NRXN3: variants seen among roughly 807,000 people sequenced by gnomAD.
NRXN3 encodes neurexin III.
NRXN3 carries 32 observed loss-of-function variants against 137.6 expected under a neutral mutation model. The observed-to-expected ratio is 0.23, with a 90% CI of 0.18 to 0.31. The LOEUF (loss-of-function observed/expected upper bound fraction) is 0.31. Among genes scored for constraint, NRXN3 ranks in the 10% least tolerant of loss-of-function variants. The pLI is 1.00. For missense variants in NRXN3, 1,574 were observed against 2,062.5 expected, an observed-to-expected ratio of 0.76 and a Z score of 4.59; for synonymous variants, 798 against 784.5, an observed-to-expected ratio of 1.02 and a Z score of -0.29.
intron 19 of NRXN3, among the ~76,000 whole-genome samples, chr14:79,748,500 C>G (rs2098986594): frequency 6.6e-6 from 1 of 152,078 alleles, no homozygotes; most frequent in African/African-American, 2.4e-5. Flanking sequence ...TCCTTTTGGT[C>G]ATTTCCCCTA....
intron 16 of NRXN3, among the ~76,000 whole-genome samples, chr14:79,481,760 C>T (rs2096610786): frequency 6.6e-6 from 1 of 152,102 alleles, no homozygotes; most frequent in Non-Finnish European, 1.5e-5. Flanking sequence ...AATCAGTCTC[C>T]TTGAAAATTT....
chr14:79,794,138 G>T (rs1199030898), intron 19 of NRXN3, among the ~76,000 whole-genome samples: 1 of 152,122 alleles, frequency 6.6e-6, no homozygotes, highest in African/African-American at 2.4e-5. Flanking sequence ...GATGAGGCAG[G>T]TGAATTACGA....
At chr14:78,543,117 C>T (rs10132331) in intron 4 of NRXN3, among the ~76,000 whole-genome samples, 1 of 152,128 alleles carries the variant, frequency 6.6e-6, no homozygotes, top group African/African-American at 2.4e-5. Context: ...TAGGGATTTT[C>T]TTAAGCTGGC....
intron 15 of NRXN3, among the ~76,000 whole-genome samples, chr14:79,192,719 C>T (rs181580432): frequency 1.7e-4 from 26 of 151,512 alleles, no homozygotes; most frequent in Non-Finnish European, 3.7e-4. Context: ...ATAAGGTTGA[C>T]ACTCTCAGAG....
At chr14:79,851,538 G>T (rs1368859306) in intron 20 of NRXN3, among the ~76,000 whole-genome samples, 1 of 152,080 alleles carries the variant, frequency 6.6e-6, no homozygotes, top group Non-Finnish European at 1.5e-5. Context: ...GCGGGCAAAA[G>T]TTGGACTCAT....
chr14:78,334,654 A>G (rs957641287), intron 4 of NRXN3, among the ~76,000 whole-genome samples: 7 of 152,178 alleles, frequency 4.6e-5, no homozygotes, highest in African/African-American at 1.7e-4. Context: ...ATGTGTATTT[A>G]AAAACTTCTT....
chr14:79,299,038 TA>T (rs1295061659), intron 15 of NRXN3: 31 of 152,286 alleles, frequency 2.0e-4, no homozygotes, highest in Admixed American at 2.0e-3. Context: ...CAGGAACTGC[TA>T]GGCCACATTA....
In NRXN3 at chr14:79,485,414, A is replaced by G. The variant is rs141592673; in HGVS notation, c.3444+18012A>G. ...TTGCTTTAGGCCATTGCTTCAAGTTATATCACCTTCTGAGACTATGAATAA... is the reference window on the plus strand; with the variant it reads ...TTGCTTTAGGCCATTGCTTCAAGTTGTATCACCTTCTGAGACTATGAATAA... On this transcript the variant is annotated intron_variant, in intron 16 of 20. Transcript: ENST00000335750. Among the ~76,000 whole-genome samples the G allele has an allele frequency of 5.9e-3, 902 of 152,252 alleles. 5 individuals are homozygous for G. The highest frequency in any genetic ancestry group is 7.8e-3 in the Non-Finnish European group (529 of 68,026).
intron 2 of NRXN3, among the ~76,000 whole-genome samples, chr14:78,255,131 A>G (rs1234187574): frequency 1.3e-5 from 2 of 149,190 alleles, no homozygotes; most frequent in African/African-American, 5.0e-5. Flanking sequence ...GCCGTCAGCC[A>G]TCTCCCCATT....
chr14:79,357,077 T>A lies in NRXN3; in HGVS notation c.3263-110144T>A, dbSNP rs548502662. Reference sequence around the variant, plus strand: ...ATGTGTTGAAAGATATAAAATGTGTTAATCCCTAATTGCATGTGGCTGTGA... The same window carrying A: ...ATGTGTTGAAAGATATAAAATGTGTAAATCCCTAATTGCATGTGGCTGTGA... On this transcript the variant is annotated intron_variant, in intron 15 of 20. Coordinates refer to ENST00000335750, the MANE Select transcript of NRXN3 (RefSeq NM_001330195.2). Among the ~76,000 whole-genome samples, 12 of 152,334 alleles carry A rather than the reference T, an allele frequency of 7.9e-5. No homozygotes were observed. In the South Asian group the frequency reaches 2.5e-3, roughly 32 times the overall value.
chr14:78,822,713 A>G (rs1315391925), intron 10 of NRXN3, among the ~76,000 whole-genome samples: 1 of 141,268 alleles, frequency 7.1e-6, no homozygotes, highest in Non-Finnish European at 1.5e-5. Context: ...AAACAAACAA[A>G]AAAAAAAAAA....
At chr14:78,449,382 T>C (rs1465816685) in intron 4 of NRXN3, among the ~76,000 whole-genome samples, 1 of 152,132 alleles carries the variant, frequency 6.6e-6, no homozygotes, top group Non-Finnish European at 1.5e-5. Flanking sequence ...CTAGCTAATT[T>C]TTTGTATTTT....
At chr14:79,615,523 A>T (rs1288653957) in intron 16 of NRXN3, among the ~76,000 whole-genome samples, 1 of 152,214 alleles carries the variant, frequency 6.6e-6, no homozygotes, top group Non-Finnish European at 1.5e-5. Context: ...ACATTGCTAT[A>T]AAAAACTGTC....
At chr14:79,108,286 G>A (rs12891801) in intron 15 of NRXN3, among the ~76,000 whole-genome samples, 193 of 152,282 alleles carry the variant, frequency 1.3e-3, no homozygotes, top group Non-Finnish European at 2.5e-3. Context: ...ATTATAGACA[G>A]ACCAATTCTC....
At chr14:79,302,815 A>G (rs1038303678) in intron 15 of NRXN3, among the ~76,000 whole-genome samples, 1 of 151,960 alleles carries the variant, frequency 6.6e-6, no homozygotes, top group Non-Finnish European at 1.5e-5. Context: ...CCCAAGACAT[A>G]TGGAACTGTG....
chr14:78,715,376 T>C (rs1239466133), intron 8 of NRXN3, among the ~76,000 whole-genome samples: 1 of 152,194 alleles, frequency 6.6e-6, no homozygotes, highest in Non-Finnish European at 1.5e-5. Context: ...TTATGATACT[T>C]TTTGATTAAA....
chr14:79,225,402 C>T (rs1386314887), intron 15 of NRXN3, among the ~76,000 whole-genome samples: 1 of 152,158 alleles, frequency 6.6e-6, no homozygotes, highest in Non-Finnish European at 1.5e-5. Flanking sequence ...CTCAATGTTA[C>T]TCTGAGTTTC....
intron 17 of NRXN3, among the ~76,000 whole-genome samples, chr14:79,679,915 A>G (rs1440840057): frequency 6.6e-6 from 1 of 152,088 alleles, no homozygotes; most frequent in Non-Finnish European, 1.5e-5. Context: ...CTAATGATTG[A>G]CTGTCACTTG....
At chr14:79,364,804 T>C (rs2093818989) in intron 15 of NRXN3, among the ~76,000 whole-genome samples, 1 of 152,166 alleles carries the variant, frequency 6.6e-6, no homozygotes, top group Admixed American at 6.5e-5. Context: ...AATCTTCAGG[T>C]GGTAAGTAGG....
Sources: gnomAD v4.1 joint callset for allele counts (sites outside exome capture counted in the v4.1 genomes callset) on GRCh38, gnomAD v4.1.1 for gene constraint, MANE v1.5 for transcripts, NCBI Gene and HGNC (gene_info 2026-07-23, HGNC 2026-07-21) for gene names.